The following KCNH8 variants were observed in gnomAD, a reference collection of about 807,000 sequenced individuals.
KCNH8 encodes voltage-gated delayed rectifier potassium channel KCNH8.
KCNH8 carries 70 observed loss-of-function variants against 103.6 expected under a neutral mutation model. The observed-to-expected ratio is 0.68, with a 90% confidence interval of 0.56 to 0.82. The LOEUF (loss-of-function observed/expected upper bound fraction) is 0.82, where lower values mean the gene tolerates loss of function less well. Ranked by LOEUF, KCNH8 falls within the 40% of genes least tolerant of loss-of-function variation. The pLI, the probability that KCNH8 is intolerant of heterozygous loss-of-function variation, is 0.00. For missense variants in KCNH8, 1,217 were observed against 1,329.9 expected (o/e 0.92, Z 1.32); for synonymous variants, 498 against 489.4 (o/e 1.02, Z -0.23).
intron 1 of KCNH8, among the ~76,000 whole-genome samples, chr3:19,204,650 A>G (rs2063696552): frequency 6.6e-6 from 1 of 152,114 alleles, no homozygotes; most frequent in African/African-American, 2.4e-5. Context: ...GTAAAAAAAT[A>G]TAATGCGCTC....
intron 3 of KCNH8, among the ~76,000 whole-genome samples, chr3:19,285,544 A>G (rs763095348): frequency 3.7e-4 from 57 of 152,194 alleles, no homozygotes; most frequent in Non-Finnish European, 7.6e-4. Context: ...TATATTCTAT[A>G]AGTTTTTATA....
At chr3:19,361,939 A>G (rs113728084) in intron 5 of KCNH8, among the ~76,000 whole-genome samples, 53 of 152,236 alleles carry the variant, frequency 3.5e-4, no homozygotes, top group African/African-American at 1.2e-3. Flanking sequence ...AAGTTGATAC[A>G]AGATCTGGTT....
chr3:19,379,298 G>A (rs2066255922), intron 5 of KCNH8, among the ~76,000 whole-genome samples: 1 of 152,194 alleles, frequency 6.6e-6, no homozygotes, highest in African/African-American at 2.4e-5. Context: ...ATTCTTGCCT[G>A]TATTTAAATA....
intron 3 of KCNH8, among the ~76,000 whole-genome samples, chr3:19,316,289 A>G (rs2065273156): frequency 1.3e-5 from 2 of 151,916 alleles, no homozygotes; most frequent in Admixed American, 6.6e-5. Context: ...ACTAAATGCC[A>G]GTAATACCCA....
Position 19,533,448 on chromosome 3 carries a change from G to C in KCNH8, c.2673G>C (p.Val891=). ...VSQLGKDMRN[V]IQLLENVLSP... is the part of the protein sequence containing the mutation. ...AGTTGGGTAAAGACATGAGAAATGTGATCCAGCTTCTGGAAAACGTTCTGT... is the reference window on the plus strand; with the variant it reads ...AGTTGGGTAAAGACATGAGAAATGTCATCCAGCTTCTGGAAAACGTTCTGT... The change falls in exon 16 of 16, where the codon GTG becomes GTC. Residue 891 remains valine (V), a synonymous_variant. Coordinates refer to ENST00000328405, the MANE Select transcript of KCNH8 (RefSeq NM_144633.3). 1 of 1,614,096 alleles carries C rather than the reference G, an allele frequency of 6.2e-7. No individual in the cohort carries two copies. The highest frequency in any genetic ancestry group is 1.1e-5 in the South Asian group (1 of 91,082).
At chr3:19,245,489 G>A (rs185582204) in intron 1 of KCNH8, among the ~76,000 whole-genome samples, 1 of 152,226 alleles carries the variant, frequency 6.6e-6, no homozygotes, top group East Asian at 1.9e-4. Flanking sequence ...TTCTAATTCT[G>A]TGAAGGATGA....
intron 11 of KCNH8, among the ~76,000 whole-genome samples, chr3:19,494,340 C>T (rs190319076): frequency 1.4e-3 from 210 of 152,254 alleles, no homozygotes; most frequent in Non-Finnish European, 2.1e-3. Flanking sequence ...GGGCCTTTCC[C>T]TTGCTGTTCT....
rs545887787 is a variant in KCNH8 at position 19,253,728 on chromosome 3, G to A, written c.151G>A (p.Glu51Lys). Residue 51 changes from glutamate to lysine, a missense_variant, in exon 2 of 16, where the codon GAG becomes AAG. Glu to Lys is a moderately conservative substitution (Grantham distance 56). Coordinates refer to ENST00000328405, the MANE Select transcript of KCNH8 (RefSeq NM_144633.3). ...AGTCTACTGTTCCGATGGCTTCTGCGAGCTTGCTGGATTTGCCCGAACTGA... is the reference window on the plus strand; with the variant it reads ...AGTCTACTGTTCCGATGGCTTCTGCAAGCTTGCTGGATTTGCCCGAACTGA... The part of the protein sequence containing the change: ...PIVYCSDGFC[E>K]LAGFARTEVM... 3.7e-6 allele frequency: 6 copies of A among 1,613,760 alleles called. No homozygotes were observed. The highest frequency in any genetic ancestry group is 2.2e-5 in the South Asian group (2 of 91,058).
chr3:19,302,940 A>G (rs1169817432), intron 3 of KCNH8, among the ~76,000 whole-genome samples: 1 of 152,170 alleles, frequency 6.6e-6, no homozygotes, highest in Non-Finnish European at 1.5e-5. Flanking sequence ...ACAAGCCACT[A>G]TTATCCTTGG....
intron 11 of KCNH8, among the ~76,000 whole-genome samples, chr3:19,503,652 A>G (rs1268044842): frequency 1.3e-5 from 2 of 152,118 alleles, no homozygotes; most frequent in African/African-American, 4.8e-5. Flanking sequence ...ATTGGAAATC[A>G]TCATTCTCAG....
At chr3:19,283,083 C>T (rs965376791) in intron 3 of KCNH8, among the ~76,000 whole-genome samples, 1 of 152,074 alleles carries the variant, frequency 6.6e-6, no homozygotes, top group Non-Finnish European at 1.5e-5. Flanking sequence ...CTATACATGT[C>T]CATATCACCT....
chr3:19,535,299 C>T lies in KCNH8; in HGVS notation c.*1200C>T, dbSNP rs1020737699. The T allele has an allele frequency of 5.9e-5, 9 of 152,204 alleles. 1 individual carries two copies. The highest frequency in any genetic ancestry group is 2.2e-4 in the African/African-American group (9 of 41,536). 9.4% of individuals were successfully genotyped at this position (152,204 alleles called of 1,614,324 possible). A position where few individuals can be genotyped will look rare whatever the true frequency, so the allele number is the denominator to read the frequency against. ...AGCTTGCAATGGGTCAGCACTTTAC[C>T]TTTTTTCTTTAAGGCTCCCAACAAT... On this transcript the variant is annotated 3_prime_UTR_variant, in exon 16 of 16. Transcript: ENST00000328405.
intron 3 of KCNH8, among the ~76,000 whole-genome samples, chr3:19,324,305 C>T (rs891978605): frequency 6.6e-6 from 1 of 152,038 alleles, no homozygotes; most frequent in African/African-American, 2.4e-5. Context: ...GGGAAACTTA[C>T]AATCATGGCA....
At chr3:19,215,420 T>C (rs769321479) in intron 1 of KCNH8, among the ~76,000 whole-genome samples, 1 of 152,166 alleles carries the variant, frequency 6.6e-6, no homozygotes, top group Non-Finnish European at 1.5e-5. Context: ...TTATGAGAGA[T>C]TGAAAGATTG....
rs544061614 is a variant in KCNH8 at position 19,169,020 on chromosome 3, C to G, written c.76+20225C>G. ...TTAGTTTTCCTTTGAGGAAGGAATT[C>G]TGTGGCTGAAAAGAAATTTGAAAAC... On this transcript the variant is annotated intron_variant, in intron 1 of 15. Transcript: ENST00000328405. 3.3e-5 allele frequency among the ~76,000 whole-genome samples: 5 copies of G among 152,250 alleles called. No homozygotes were observed. The South Asian group carries it at 1.0e-3, about 32-fold the overall frequency.
chr3:19,343,856 C>A (rs1318052498), intron 4 of KCNH8, among the ~76,000 whole-genome samples: 4 of 152,060 alleles, frequency 2.6e-5, no homozygotes, highest in African/African-American at 9.7e-5. Context: ...CATGAAAGTG[C>A]TGCAAACCTG....
intron 13 of KCNH8, 59 bp downstream of exon 13, chr3:19,513,384 AG>A (rs1439723426): frequency 1.3e-6 from 2 of 1,518,040 alleles, no homozygotes; most frequent in African/African-American, 2.8e-5. Context: ...TATACAGAGT[AG>A]TACCTGCCTT....
At position 19,266,465 on chromosome 3, in the gene KCNH8, TCTATGAGGCTTTCAA is replaced by T. The variant is rs2064512046; in HGVS notation, c.310+12585_310+12599del. Among the ~76,000 whole-genome samples, 3 of 152,252 alleles carry T rather than the reference TCTATGAGGCTTTCAA, an allele frequency of 2.0e-5. No individual in the cohort carries two copies. The South Asian group carries it at 6.2e-4, about 32-fold the overall frequency. ...TGAGATTCAATTCAAGCCTATTTCA[TCTATGAGGCTTTCAA>T]CTATGACCTTCTGTTTCACACAGTG... is the stretch of plus-strand genomic sequence containing the variant. On this transcript the variant is annotated intron_variant, in intron 2 of 15. Transcript: ENST00000328405.
intron 2 of KCNH8, among the ~76,000 whole-genome samples, chr3:19,262,390 G>A (rs1196614962): frequency 6.6e-6 from 1 of 151,888 alleles, no homozygotes; most frequent in African/African-American, 2.4e-5. Flanking sequence ...TATTCAATAT[G>A]ACTCTGGAAG....
Sources: allele counts gnomAD v4.1 joint callset (sites outside exome capture counted in the v4.1 genomes callset), GRCh38; gene constraint gnomAD v4.1.1; transcripts MANE v1.5; gene names NCBI Gene and HGNC (gene_info 2026-07-23, HGNC 2026-07-21).